Variants in SEMA3A observed in about 807,000 individuals in gnomAD.
SEMA3A encodes the protein semaphorin-3A.
SEMA3A carries 29 observed loss-of-function variants against 97.9 expected under a neutral mutation model. The ratio of observed to expected loss-of-function variants is 0.30; its 90% confidence interval spans 0.22 to 0.40. The LOEUF is 0.40. Ranked by LOEUF, SEMA3A falls within the 10% of genes least tolerant of loss-of-function variation. The pLI is 1.00. For missense variants in SEMA3A, 763 were observed against 951.3 expected (o/e 0.80, Z 2.60); for synonymous variants, 321 against 323.7 (o/e 0.99, Z 0.09).
rs538946772 is a variant in SEMA3A at position 84,245,535 on chromosome 7, C to A, written c.-82-50867G>T. Among the ~76,000 whole-genome samples, 3 of 151,784 alleles carry A rather than the reference C, an allele frequency of 2.0e-5. No individual in the cohort carries two copies. The South Asian group carries it at 6.2e-4, about 32-fold the overall frequency. ...TTAGCTTCCTTGCATTGGGTTAGAA[C>A]ATGCTTCTTTAGCTCAGAGGAGTTC... is the stretch of plus-strand genomic sequence containing the variant. On this transcript the variant is annotated intron_variant, in intron 3 of 3. Coordinates refer to the SEMA3A transcript ENST00000424555.
Position 83,957,800 on chromosome 7 carries a change from A to G in SEMA3A, c.*3571T>C, listed in dbSNP as rs550596825. ...GACTTCAAATAATTATTACAAATCA[A>G]GTTAAAAGTATAGATGTCCTTGGTG... On this transcript the variant is annotated 3_prime_UTR_variant, in exon 17 of 17. Coordinates refer to ENST00000265362, the MANE Select transcript of SEMA3A (RefSeq NM_006080.3). 6.6e-6 allele frequency: 1 copy of G among 152,248 alleles called. No homozygotes were observed. The highest frequency in any genetic ancestry group is 1.5e-5 in the Non-Finnish European group (1 of 67,994). 9.4% of individuals were successfully genotyped at this position (152,248 alleles called of 1,614,324 possible). A position where few individuals can be genotyped will look rare whatever the true frequency, so the allele number is the denominator to read the frequency against.
chr7:84,302,751 T>C (rs936766241), intron 3 of SEMA3A, among the ~76,000 whole-genome samples: 1 of 152,130 alleles, frequency 6.6e-6, no homozygotes, highest in East Asian at 1.9e-4. Context: ...AAAAAGAAAG[T>C]TTAGTAAAAG....
chr7:84,022,052 T>A (rs1791349070), intron 6 of SEMA3A, among the ~76,000 whole-genome samples: 2 of 152,186 alleles, frequency 1.3e-5, no homozygotes, highest in Non-Finnish European at 2.9e-5. Context: ...GCATTAAAAT[T>A]TTCTATTTGC....
chr7:84,476,824 G>T (rs1479918223), intron 1 of SEMA3A, among the ~76,000 whole-genome samples: 1 of 151,834 alleles, frequency 6.6e-6, no homozygotes, highest in Non-Finnish European at 1.5e-5. Flanking sequence ...TCTTCACTGT[G>T]CTGACATTAA....
intron 4 of SEMA3A, among the ~76,000 whole-genome samples, chr7:84,081,122 A>G (rs1161841432): frequency 6.6e-6 from 1 of 152,172 alleles, no homozygotes; most frequent in African/African-American, 2.4e-5. Context: ...CATTGCATAT[A>G]TATGTAATAT....
chr7:84,260,707 T>A (rs1799830182), intron 3 of SEMA3A, among the ~76,000 whole-genome samples: 2 of 152,004 alleles, frequency 1.3e-5, no homozygotes, highest in Non-Finnish European at 2.9e-5. Flanking sequence ...TGGGCACAAA[T>A]GAGCATGGGA....
At chr7:84,410,755 G>A (rs191450432) in intron 1 of SEMA3A, among the ~76,000 whole-genome samples, 45 of 152,154 alleles carry the variant, frequency 3.0e-4, no homozygotes, top group African/African-American at 1.1e-3. Context: ...GAATTAACAC[G>A]GAAATGTCAA....
intron 15 of SEMA3A, among the ~76,000 whole-genome samples, chr7:83,965,250 T>C (rs911880079): frequency 6.6e-6 from 1 of 151,954 alleles, no homozygotes; most frequent in African/African-American, 2.4e-5. Context: ...GTTTAAACTT[T>C]TCTTTATTAA....
chr7:84,058,328 T>G (rs1208517015), intron 5 of SEMA3A, among the ~76,000 whole-genome samples: 1 of 152,198 alleles, frequency 6.6e-6, no homozygotes, highest in Non-Finnish European at 1.5e-5. Context: ...GAGACAGCTG[T>G]TACCCTTGTA....
At chr7:84,447,245 G>A (rs1805437890) in intron 1 of SEMA3A, among the ~76,000 whole-genome samples, 1 of 152,162 alleles carries the variant, frequency 6.6e-6, no homozygotes, top group Non-Finnish European at 1.5e-5. Flanking sequence ...CTTGGCATGG[G>A]CCTGCAGGCA....
chr7:83,969,762 A>G (rs1462333932), intron 15 of SEMA3A, among the ~76,000 whole-genome samples: 1 of 152,190 alleles, frequency 6.6e-6, no homozygotes, highest in Non-Finnish European at 1.5e-5. Context: ...AGAGGGTGGG[A>G]GATAATGATG....
chr7:84,439,752 T>C (rs973709412), intron 1 of SEMA3A, among the ~76,000 whole-genome samples: 1 of 152,170 alleles, frequency 6.6e-6, no homozygotes, highest in Non-Finnish European at 1.5e-5. Flanking sequence ...AGTACATATA[T>C]AGTACATGTG....
chr7:84,442,193 C>T (rs1203212909), intron 1 of SEMA3A, among the ~76,000 whole-genome samples: 1 of 152,106 alleles, frequency 6.6e-6, no homozygotes, highest in Non-Finnish European at 1.5e-5. Flanking sequence ...TTGCCTAAAA[C>T]TAATGTCATT....
At chr7:84,175,723 C>A (rs78128773) in intron 1 of SEMA3A, among the ~76,000 whole-genome samples, 9,448 of 121,972 alleles carry the variant, frequency 0.077, 507 homozygotes, top group East Asian at 0.33. Context: ...TGGTTGGAAA[C>A]CTACAGCAAC....
At chr7:84,020,035 CTTTTTTTTTTTTTTTTT>C (rs781108685) in intron 6 of SEMA3A, among the ~76,000 whole-genome samples, 3 of 58,250 alleles carry the variant, frequency 5.2e-5, no homozygotes, top group Admixed American at 5.4e-4. Context: ...TTTTTTCTTT[CTTTTTTTTTTTTTTTTT>C]TTTTTTTTTT....
intron 1 of SEMA3A, among the ~76,000 whole-genome samples, chr7:84,411,077 G>C (rs1314410023): frequency 1.3e-5 from 2 of 152,026 alleles, no homozygotes; most frequent in African/African-American, 2.4e-5. Flanking sequence ...TTGTGTATCT[G>C]TGTGTGGGTA....
intron 1 of SEMA3A, among the ~76,000 whole-genome samples, chr7:84,145,095 G>T (rs1796424479): frequency 6.6e-6 from 1 of 152,098 alleles, no homozygotes; most frequent in African/African-American, 2.4e-5. Flanking sequence ...AGATTAGAAT[G>T]CTCTTTATCT....
At chr7:84,359,790 C>A (rs894141994) in intron 2 of SEMA3A, among the ~76,000 whole-genome samples, 10 of 152,206 alleles carry the variant, frequency 6.6e-5, no homozygotes, top group African/African-American at 2.4e-4. Context: ...GCTTGGTAAG[C>A]TATTAATTAT....
intron 3 of SEMA3A, among the ~76,000 whole-genome samples, chr7:84,121,549 T>C (rs1369130602): frequency 6.7e-6 from 1 of 149,254 alleles, no homozygotes; most frequent in Non-Finnish European, 1.5e-5. Flanking sequence ...ACTCATCCTT[T>C]TTTTGGCTGC....
Sources: allele counts gnomAD v4.1 joint callset (sites outside exome capture counted in the v4.1 genomes callset), GRCh38; gene constraint gnomAD v4.1.1; transcripts MANE v1.5; gene names NCBI Gene and HGNC (gene_info 2026-07-23, HGNC 2026-07-21).